The following LRP2 variants were observed in gnomAD, a reference collection of about 807,000 sequenced individuals.
The protein encoded by LRP2 is LDL receptor related protein 2.
Under a neutral mutation model 531.0 loss-of-function variants are expected in LRP2, and 172 were observed. That is an observed-to-expected ratio of 0.32 (90% CI 0.29 to 0.37). The LOEUF is 0.37. Ranked by LOEUF, LRP2 falls within the 10% of genes least tolerant of loss-of-function variation. LRP2 has a pLI of 1.00. For synonymous variants in LRP2, 1,992 were observed against 2,027.6 expected, an observed-to-expected ratio of 0.98 and a Z score of 0.47; for missense variants, 5,167 against 5,868.3, an observed-to-expected ratio of 0.88 and a Z score of 3.90.
intron 75 of LRP2, 36 bp downstream of exon 75, chr2:169,138,541 A>G: frequency 6.2e-7 from 1 of 1,610,942 alleles, no homozygotes; most frequent in Non-Finnish European, 8.5e-7. Context: ...TCTATAAATG[A>G]CAACCTTCAA....
At chr2:169,321,241 T>C (rs1684899808) in intron 1 of LRP2, among the ~76,000 whole-genome samples, 1 of 152,196 alleles carries the variant, frequency 6.6e-6, no homozygotes, top group African/African-American at 2.4e-5. Flanking sequence ...CAAAGATTTA[T>C]GTATAAAGAT....
chr2:169,279,349 C>T, intron 12 of LRP2, 23 bp downstream of exon 12: 2 of 1,546,620 alleles, frequency 1.3e-6, no homozygotes, highest in Admixed American at 1.7e-5. Context: ...ATACAGGAAT[C>T]AATATGTTTT....
Position 169,154,758 on chromosome 2 carries a change from C to G in LRP2, c.12152-155G>C, listed in dbSNP as rs142438021. On this transcript the variant is annotated intron_variant, in intron 65 of 78. Transcript: ENST00000649046. ...TCTGTTAATCAATAAAGCTGACTCT[C>G]CAACTGGGTTACAAAATCCGTGACT... Among the ~76,000 whole-genome samples the G allele has an allele frequency of 3.4e-3, 516 of 152,284 alleles. 4 individuals carry two copies. The highest frequency in any genetic ancestry group is 0.012 in the African/African-American group (483 of 41,564).
intron 1 of LRP2, among the ~76,000 whole-genome samples, chr2:169,326,115 T>C (rs1053053781): frequency 2.2e-5 from 3 of 136,778 alleles, no homozygotes; most frequent in Admixed American, 7.5e-5. Flanking sequence ...AAATAAGATA[T>C]GGTCCTTTTT....
rs67385063 is a variant in LRP2 at position 169,158,856 on chromosome 2, AC to A, written c.11888-1355del. On this transcript the variant is annotated intron_variant, in intron 63 of 78. Coordinates refer to ENST00000649046, the MANE Select transcript of LRP2 (RefSeq NM_004525.3). ...ATTGAACTTTCACAGTAAAAAAAAA[AC>A]AAAAAAAACACAGTTTATTTTTGTA... 8.0e-3 allele frequency among the ~76,000 whole-genome samples: 335 copies of A among 41,682 alleles called. 1 individual carries two copies. The highest frequency in any genetic ancestry group is 0.028 in the Admixed American group (72 of 2,598). 27.3% of individuals were successfully genotyped at this position (41,682 alleles called of 152,430 possible). A position where few individuals can be genotyped will look rare whatever the true frequency, so the allele number is the denominator to read the frequency against.
chr2:169,205,910 T>C, intron 40 of LRP2, 113 bp downstream of exon 40: 1 of 1,374,936 alleles, frequency 7.3e-7, no homozygotes, highest in South Asian at 1.2e-5. Context: ...TTTGAATCTG[T>C]AGCCATAGTT....
chr2:169,131,896 CAG>C (rs1378124728), intron 77 of LRP2, among the ~76,000 whole-genome samples: 2 of 152,184 alleles, frequency 1.3e-5, no homozygotes, highest in Non-Finnish European at 2.9e-5. Context: ...TACATTAATA[CAG>C]AGTTTAATAT....
chr2:169,184,874 C>T (rs899983307), intron 50 of LRP2, among the ~76,000 whole-genome samples: 2 of 152,098 alleles, frequency 1.3e-5, no homozygotes, highest in African/African-American at 4.8e-5. Flanking sequence ...GATCCTCCTA[C>T]CTCAGCCTCA....
chr2:169,223,482 G>A (rs1483343344), intron 33 of LRP2, among the ~76,000 whole-genome samples: 1 of 152,218 alleles, frequency 6.6e-6, no homozygotes, highest in Non-Finnish European at 1.5e-5. Context: ...AGAGATGTGA[G>A]TTTGGTAGTA....
intron 3 of LRP2, among the ~76,000 whole-genome samples, chr2:169,316,990 C>T (rs1247773255): frequency 6.6e-6 from 1 of 152,024 alleles, no homozygotes; most frequent in Non-Finnish European, 1.5e-5. Flanking sequence ...GGAAAAGTGC[C>T]CATTGGCAAT....
rs758623046 is a variant in LRP2 at position 169,204,206 on chromosome 2, T to C, written c.7781A>G (p.His2594Arg). ...GCCATAGAGAGTCAAGCCAAAAGCA[T>C]GAACGGCTGCATTGACAATGACTTC... ...DREVIVNAAV[H>R]AFGLTLYGQY... is the part of the protein sequence containing the mutation. The change falls in exon 42 of 79, where the codon CAT (histidine) becomes CGT (arginine). Residue 2594 changes from histidine to arginine, a missense_variant. Physicochemically the swap from His to Arg is conservative, Grantham distance 29. Coordinates refer to ENST00000649046, the MANE Select transcript of LRP2 (RefSeq NM_004525.3). 3 of 1,614,168 alleles carry C rather than the reference T, an allele frequency of 1.9e-6. No individual in the cohort carries two copies. The highest frequency in any genetic ancestry group is 2.2e-5 in the East Asian group (1 of 44,884).
Position 169,168,674 on chromosome 2 carries a change from T to G in LRP2, c.11500A>C (p.Thr3834Pro). The G allele has an allele frequency of 6.2e-7, 1 of 1,613,406 alleles. No homozygotes were observed. Among genetic ancestry groups the G allele is most frequent in the Non-Finnish European group, 8.5e-7 (1 of 1,179,520 alleles). ...LDASDEADCP[T>P]RFPDGAYCQA... is the part of the protein sequence containing the mutation. ...CAGTATGCACCATCAGGAAAGCGTG[T>G]GGCTGCCATGGGGGAAAAAAACATA... is the stretch of plus-strand genomic sequence containing the variant. The change falls in exon 61 of 79, where the codon ACA becomes CCA. Residue 3834 changes from threonine (T) to proline (P), a missense_variant and splice_region_variant. By Grantham distance (38) the Thr-to-Pro change is conservative. Around this residue, in one of 6 missense-constraint regions of LRP2, gnomAD observed 564 missense variants for 747.7 expected, o/e 0.75. Coordinates refer to ENST00000649046, the MANE Select transcript of LRP2 (RefSeq NM_004525.3).
At chr2:169,171,881 G>C in intron 58 of LRP2, 134 bp downstream of exon 58, 1 of 1,083,002 alleles carries the variant, frequency 9.2e-7, no homozygotes, top group African/African-American at 1.5e-5. Context: ...CTGACCAGCA[G>C]AAAGAAAGAG....
intron 71 of LRP2, 139 bp downstream of exon 71, chr2:169,142,535 A>G: frequency 8.5e-7 from 1 of 1,174,268 alleles, no homozygotes; most frequent in South Asian, 1.3e-5. Context: ...CTCTGTTCAT[A>G]CCTCCCACAT....
chr2:169,326,245 AC>A (rs923330869), intron 1 of LRP2, among the ~76,000 whole-genome samples: 4 of 119,620 alleles, frequency 3.3e-5, no homozygotes, highest in African/African-American at 6.5e-5. Flanking sequence ...CTCTCTTTCC[AC>A]GGTCTCCCTC....
At chr2:169,350,085 T>A (rs1437571862) in intron 1 of LRP2, among the ~76,000 whole-genome samples, 1 of 152,230 alleles carries the variant, frequency 6.6e-6, no homozygotes, top group Non-Finnish European at 1.5e-5. Context: ...AGTTGGATTC[T>A]AGATGTATTT....
chr2:169,131,707 A>G (rs1430206808), intron 77 of LRP2, among the ~76,000 whole-genome samples: 1 of 152,148 alleles, frequency 6.6e-6, no homozygotes, highest in Non-Finnish European at 1.5e-5. Flanking sequence ...GAAATACTGA[A>G]ATTCCCTGAG....
chr2:169,147,057 A>G, intron 68 of LRP2, 98 bp from the exon 69 acceptor site: 1 of 951,784 alleles, frequency 1.1e-6, no homozygotes, highest in Non-Finnish European at 1.7e-6. Flanking sequence ...CCAACTGTTT[A>G]TCTCAGGGAC....
At chr2:169,354,036 T>C (rs1685926244) in intron 1 of LRP2, among the ~76,000 whole-genome samples, 1 of 152,178 alleles carries the variant, frequency 6.6e-6, no homozygotes, top group African/African-American at 2.4e-5. Context: ...ATTTTGATTT[T>C]TTCAACCTTT....
Sources: gnomAD v4.1 joint callset for allele counts (sites outside exome capture counted in the v4.1 genomes callset) on GRCh38, gnomAD v4.1.1 for gene constraint, gnomAD v4.1.1 regional missense constraint, MANE v1.5 for transcripts, NCBI Gene and HGNC (gene_info 2026-07-23, HGNC 2026-07-21) for gene names.